HIPK2: variants seen among roughly 807,000 people sequenced by gnomAD.
The protein encoded by HIPK2 is homeodomain interacting protein kinase 2, also known as homeodomain-interacting protein kinase 2.
Under a neutral mutation model 113.7 loss-of-function variants are expected in HIPK2, and 27 were observed. The ratio of observed to expected loss-of-function variants is 0.24; its 90% CI spans 0.17 to 0.33. The LOEUF (loss-of-function observed/expected upper bound fraction) is 0.33, where lower values mean the gene tolerates loss of function less well. Ranked by LOEUF, HIPK2 falls within the 10% of genes least tolerant of loss-of-function variation. The pLI, the probability that HIPK2 is intolerant of heterozygous loss-of-function variation, is 1.00. For missense variants in HIPK2, 1,257 were observed against 1,588.0 expected, an observed-to-expected ratio of 0.79 and a Z score of 3.54; for synonymous variants, 631 against 642.2, an observed-to-expected ratio of 0.98 and a Z score of 0.26.
At chr7:139,669,716 T>TCA (rs148960788) in intron 2 of HIPK2, among the ~76,000 whole-genome samples, 9 of 152,088 alleles carry the variant, frequency 5.9e-5, no homozygotes, top group African/African-American at 9.7e-5. Context: ...GTCAGATACT[T>TCA]CACACACACA....
chr7:139,762,256 G>T (rs905289082), intron 1 of HIPK2, among the ~76,000 whole-genome samples: 5 of 152,156 alleles, frequency 3.3e-5, no homozygotes, highest in Non-Finnish European at 7.3e-5. Context: ...CCCAGATGGT[G>T]GCAACACTGT....
intron 2 of HIPK2, among the ~76,000 whole-genome samples, chr7:139,653,618 G>A (rs889862344): frequency 5.9e-5 from 9 of 151,940 alleles, no homozygotes; most frequent in African/African-American, 2.2e-4. Context: ...CTGACCTGGT[G>A]TGATGAAAAT....
intron 1 of HIPK2, among the ~76,000 whole-genome samples, chr7:139,723,245 G>A (rs1239981969): frequency 6.8e-6 from 1 of 147,646 alleles, no homozygotes; most frequent in Non-Finnish European, 1.5e-5. Context: ...CCAGGCTGGA[G>A]TGCAATGCTG....
chr7:139,659,839 T>G (rs994391608), intron 2 of HIPK2, among the ~76,000 whole-genome samples: 19 of 152,240 alleles, frequency 1.2e-4, no homozygotes, highest in African/African-American at 4.6e-4. Context: ...CCCTGATCCC[T>G]CTACATATGC....
intron 1 of HIPK2, among the ~76,000 whole-genome samples, chr7:139,723,539 T>C (rs1300857832): frequency 1.3e-5 from 2 of 152,202 alleles, no homozygotes; most frequent in Non-Finnish European, 2.9e-5. Context: ...AGGGACTGGC[T>C]CATTTAGCAT....
At chr7:139,748,005 T>C (rs930994735) in intron 1 of HIPK2, among the ~76,000 whole-genome samples, 1 of 152,090 alleles carries the variant, frequency 6.6e-6, no homozygotes, top group African/African-American at 2.4e-5. Flanking sequence ...TTCTAGATGG[T>C]GACATTTAAA....
intron 2 of HIPK2, among the ~76,000 whole-genome samples, chr7:139,709,950 T>A (rs1209764904): frequency 6.6e-6 from 1 of 152,226 alleles, no homozygotes; most frequent in African/African-American, 2.4e-5. Flanking sequence ...GCACTAACAA[T>A]GTCCACATTC....
intron 12 of HIPK2, among the ~76,000 whole-genome samples, chr7:139,585,844 C>CT (rs1387309724): frequency 1.3e-5 from 2 of 152,080 alleles, no homozygotes; most frequent in Non-Finnish European, 2.9e-5. Context: ...GAAAAGTTTC[C>CT]TTTTTTCTAG....
chr7:139,619,768 C>T (rs964666875), intron 7 of HIPK2, among the ~76,000 whole-genome samples: 1 of 151,930 alleles, frequency 6.6e-6, no homozygotes, highest in Non-Finnish European at 1.5e-5. Context: ...TGATCTTTTT[C>T]TTTGTTTTTT....
At chr7:139,708,154 T>TGG (rs1479809817) in intron 2 of HIPK2, among the ~76,000 whole-genome samples, 1 of 152,086 alleles carries the variant, frequency 6.6e-6, no homozygotes, top group African/African-American at 2.4e-5. Flanking sequence ...TACACCCTGG[T>TGG]GGGCTGACAC....
chr7:139,622,258 T>C (rs73156855), intron 6 of HIPK2, among the ~76,000 whole-genome samples: 2,378 of 152,218 alleles, frequency 0.016, 19 homozygotes, highest in Middle Eastern at 0.037. Context: ...ACATAACCAT[T>C]TACGGACTGA....
chr7:139,634,674 G>GTTTCTTTTTTTTTT (rs1800743940), intron 2 of HIPK2, among the ~76,000 whole-genome samples: 1 of 113,664 alleles, frequency 8.8e-6, no homozygotes. Flanking sequence ...TCTGTTTCAG[G>GTTTCTTTTTTTTTT]TTTTTTTTTT....
chr7:139,609,809 AG>A (rs1799749547), intron 9 of HIPK2, among the ~76,000 whole-genome samples: 1 of 152,226 alleles, frequency 6.6e-6, no homozygotes, highest in Non-Finnish European at 1.5e-5. Context: ...GATACTGGAT[AG>A]GGCAGGATTT....
chr7:139,571,704 A>C lies in HIPK2; in HGVS notation c.*1223T>G, dbSNP rs767064531. On this transcript the variant is annotated 3_prime_UTR_variant, in exon 15 of 15. Coordinates refer to ENST00000406875, the MANE Select transcript of HIPK2 (RefSeq NM_022740.5). ...CCAGCGTAAACTGTTACAACAGCAC[A>C]ACAGAAGAGCTGAGATTGTGTCTGA... 3 of 152,232 alleles carry C rather than the reference A, an allele frequency of 2.0e-5. No individual in the cohort carries two copies. The highest frequency in any genetic ancestry group is 4.4e-5 in the Non-Finnish European group (3 of 68,040). The allele number at this position is 152,232 out of a possible 1,614,324, so 9.4% of individuals were successfully genotyped here.
chr7:139,652,228 A>T (rs992555876), intron 2 of HIPK2, among the ~76,000 whole-genome samples: 1 of 152,202 alleles, frequency 6.6e-6, no homozygotes, highest in African/African-American at 2.4e-5. Context: ...TCTTGAGAAT[A>T]TCCTTCCTAG....
intron 2 of HIPK2, among the ~76,000 whole-genome samples, chr7:139,673,245 A>G (rs1802368788): frequency 6.6e-6 from 1 of 152,200 alleles, no homozygotes; most frequent in Admixed American, 6.5e-5. Context: ...AGAAGACAGA[A>G]AGATGATCAG....
chr7:139,631,349 G>T lies in HIPK2; in HGVS notation c.1228-65C>A. On this transcript the variant is annotated intron_variant, in intron 3 of 14. Coordinates refer to ENST00000406875, the MANE Select transcript of HIPK2 (RefSeq NM_022740.5). This position sits in a 1 kb window ranked among gnomAD's most constrained non-coding sequence, Gnocchi z 4.9. ...TCACTATACATATGGTATACTAATG[G>T]CTCTGCTGGCTTTGAGAAAAATGAA... The T allele has an allele frequency of 6.6e-7, 1 of 1,515,756 alleles. No homozygotes were observed. Among genetic ancestry groups the T allele is most frequent in the South Asian group, 1.3e-5 (1 of 77,922 alleles). 93.9% of individuals were successfully genotyped at this position (1,515,756 alleles called of 1,614,324 possible). A position where few individuals can be genotyped will look rare whatever the true frequency, so the allele number is the denominator to read the frequency against.
rs572740209 is a variant in HIPK2, at chr7:139,745,498, G to A, written c.20-28483C>T. On this transcript the variant is annotated intron_variant, in intron 1 of 14. Transcript: ENST00000406875. ...GGATTATTTCACACTGCAACCGCAG[G>A]GCCTCGAGGACTCTAAGTTGGGGGT... Among the ~76,000 whole-genome samples the A allele has an allele frequency of 1.2e-4, 19 of 152,250 alleles. 1 individual carries two copies. Among genetic ancestry groups the A allele is most frequent in the Admixed American group, 9.1e-4 (14 of 15,302 alleles).
chr7:139,616,117 C>T (rs1433076255), intron 7 of HIPK2, among the ~76,000 whole-genome samples: 1 of 152,156 alleles, frequency 6.6e-6, no homozygotes, highest in Non-Finnish European at 1.5e-5. Flanking sequence ...GTCCTGGCAC[C>T]TGTATCCTCT....
Sources: allele counts gnomAD v4.1 joint callset (sites outside exome capture counted in the v4.1 genomes callset), GRCh38; gene constraint gnomAD v4.1.1; non-coding constraint Gnocchi (gnomAD v3.1); transcripts MANE v1.5; gene names NCBI Gene and HGNC (gene_info 2026-07-23, HGNC 2026-07-21).